SLC2A7: variants seen among roughly 807,000 people sequenced by gnomAD.
SLC2A7 encodes the protein solute carrier family 2, facilitated glucose transporter member 7.
SLC2A7 carries 50 observed loss-of-function variants against 50.5 expected under a neutral mutation model. That is an observed-to-expected ratio of 0.99 (90% confidence interval 0.79 to 1.25). SLC2A7 has a LOEUF of 1.25. SLC2A7 is among the 50% of genes most tolerant of loss of function. The probability of loss-of-function intolerance (pLI) is 0.00; values close to 1 mark genes in which losing one functional copy is unlikely to be tolerated. For synonymous variants in SLC2A7, 308 were observed against 300.4 expected (o/e 1.03, Z -0.26); for missense variants, 683 against 679.1 (o/e 1.01, Z -0.06).
the SLC2A7 span, among the ~76,000 whole-genome samples, chr1:8,992,836 A>C: frequency 6.6e-6 from 1 of 152,178 alleles, no homozygotes; most frequent in Non-Finnish European, 1.5e-5. Context: ...AGTGGGTCTC[A>C]GAAGCTCCAG....
At position 9,007,295 on chromosome 1, in the gene SLC2A7, C is replaced by T. The variant is rs570383827; in HGVS notation, c.1192+15G>A. The stretch of plus-strand genomic sequence containing the variant: ...ACCAGGATGGCCGGGGCGAGGGAGG[C>T]GTGCAGGTACTCACTGGGCCCAATG... On this transcript the variant is annotated intron_variant, in intron 10 of 11. Coordinates refer to ENST00000400906, the MANE Select transcript of SLC2A7 (RefSeq NM_207420.3). 233 of 1,614,008 alleles carry T rather than the reference C, an allele frequency of 1.4e-4. No homozygotes were observed. Among genetic ancestry groups the T allele is most frequent in the South Asian group, 8.7e-4 (79 of 91,080 alleles).
At chr1:9,015,094 G>A (rs1290805799) in intron 6 of SLC2A7, 23 bp downstream of exon 6, 2 of 1,611,830 alleles carry the variant, frequency 1.2e-6, no homozygotes, top group African/African-American at 2.7e-5. Context: ...CAGGGCCTGG[G>A]AGAGTAGCCG....
chr1:9,010,498 C>T (rs1640731613), intron 8 of SLC2A7, among the ~76,000 whole-genome samples: 1 of 152,224 alleles, frequency 6.6e-6, no homozygotes, highest in Non-Finnish European at 1.5e-5. Flanking sequence ...GCTGGGATTA[C>T]AGGCACCTGC....
intron 6 of SLC2A7, 48 bp from the exon 7 acceptor site, chr1:9,014,916 T>TGG (rs1336650752): frequency 6.5e-7 from 1 of 1,532,892 alleles, no homozygotes; most frequent in South Asian, 1.2e-5. Flanking sequence ...CCCTGCAGGC[T>TGG]GGGCCCCAAG....
chr1:9,017,092 G>A (rs1640841517), intron 5 of SLC2A7, among the ~76,000 whole-genome samples: 2 of 152,114 alleles, frequency 1.3e-5, no homozygotes, highest in South Asian at 2.1e-4. Flanking sequence ...CTGGCCATAC[G>A]GGTGGATCAC....
intron 5 of SLC2A7, among the ~76,000 whole-genome samples, chr1:9,017,321 A>AAACAACAACAACAAAACAAC (rs1553166790): frequency 9.2e-5 from 14 of 152,118 alleles, no homozygotes; most frequent in African/African-American, 2.7e-4. Flanking sequence ...CCCTGCCTCA[A>AAACAACAACAACAAAACAAC]AACAACAACA....
At chr1:9,005,017 GC>G in intron 10 of SLC2A7, 138 bp from the exon 11 acceptor site, 1 of 1,003,994 alleles carries the variant, frequency 1.0e-6, no homozygotes, top group South Asian at 1.8e-5. Context: ...AAGGAACCCT[GC>G]CTTTACCCAC....
chr1:8,994,406 C>T, the SLC2A7 span, among the ~76,000 whole-genome samples: 1 of 152,188 alleles, frequency 6.6e-6, no homozygotes, highest in Non-Finnish European at 1.5e-5. Context: ...GAGACAGTGG[C>T]CGGCAGCGTG....
At position 9,026,375 on chromosome 1, in the gene SLC2A7, C is replaced by T. The variant is rs750886871; in HGVS notation, c.-30G>A. The T allele has an allele frequency of 1.9e-6, 3 of 1,583,128 alleles. No homozygotes were observed. The highest frequency in any genetic ancestry group is 3.6e-5 in the Admixed American group (2 of 56,318). On this transcript the variant is annotated 5_prime_UTR_variant, in exon 1 of 12. Coordinates refer to ENST00000400906, the MANE Select transcript of SLC2A7 (RefSeq NM_207420.3). ...GTTCAGGTGGGAGAACAGGTGTGCT[C>T]TACCTCCCAAGTGACACCTGCTCTG...
intron 10 of SLC2A7, among the ~76,000 whole-genome samples, chr1:9,005,829 C>T (rs545638791): frequency 1.3e-5 from 2 of 152,036 alleles, no homozygotes; most frequent in South Asian, 4.2e-4. Context: ...GACCGATCTC[C>T]CTCTCTGGAT....
chr1:9,003,634 G>A, intron 11 of SLC2A7, 116 bp from the exon 12 acceptor site: 2 of 827,716 alleles, frequency 2.4e-6, no homozygotes, highest in Admixed American at 4.6e-5. Flanking sequence ...AAGACAGGTG[G>A]ATCACCTGAG....
At chr1:9,001,860 A>G (rs1425319741), downstream of SLC2A7, among the ~76,000 whole-genome samples, 1 of 152,096 alleles carries the variant, frequency 6.6e-6, no homozygotes, top group Non-Finnish European at 1.5e-5. Flanking sequence ...TACTGTGTCT[A>G]TGTAGAAAGA....
chr1:9,007,282 G>C (rs566093795), intron 10 of SLC2A7, 28 bp downstream of exon 10: 4 of 1,612,486 alleles, frequency 2.5e-6, no homozygotes, highest in South Asian at 1.1e-5. Flanking sequence ...CAGGATGGCC[G>C]GGGCGAGGGA....
chr1:9,026,096 AC>A (rs1391461490), intron 1 of SLC2A7, among the ~76,000 whole-genome samples, 198 bp downstream of exon 1: 5 of 152,120 alleles, frequency 3.3e-5, no homozygotes. Context: ...TCGCTCAGCC[AC>A]CCTGGCCCAT....
chr1:9,004,601 G>T, intron 11 of SLC2A7, 151 bp downstream of exon 11: 2 of 913,866 alleles, frequency 2.2e-6, no homozygotes, highest in African/African-American at 1.7e-5. Context: ...GGGTTTGCAG[G>T]CAGTGGGGCC....
At chr1:9,001,465 A>G (rs1640571558), downstream of SLC2A7, among the ~76,000 whole-genome samples, 1 of 141,752 alleles carries the variant, frequency 7.1e-6, no homozygotes, top group South Asian at 2.2e-4. Context: ...TCTGTCACCC[A>G]GGCTGGAATG....
chr1:9,025,273 T>G (rs1304452298), intron 1 of SLC2A7, among the ~76,000 whole-genome samples, 199 bp from the exon 2 acceptor site: 1 of 152,130 alleles, frequency 6.6e-6, no homozygotes, highest in Non-Finnish European at 1.5e-5. Context: ...CATTCCCTCC[T>G]TGAGGATGTA....
intron 7 of SLC2A7, 70 bp downstream of exon 7, chr1:9,014,611 C>T (rs1640797228): frequency 6.5e-7 from 1 of 1,531,202 alleles, no homozygotes; most frequent in South Asian, 1.2e-5. Context: ...GTGGGTGGAA[C>T]TGTGTGTTGC....
Position 9,025,079 on chromosome 1 carries a change from A to G in SLC2A7, c.52-5T>C, listed in dbSNP as rs775169402. The G allele has an allele frequency of 1.9e-5, 31 of 1,613,444 alleles. No homozygotes were observed. In the South Asian group the frequency reaches 3.4e-4, roughly 18 times the overall value. On this transcript the variant is annotated splice_polypyrimidine_tract_variant and splice_region_variant and intron_variant, in intron 1 of 11. Coordinates refer to ENST00000400906, the MANE Select transcript of SLC2A7 (RefSeq NM_207420.3). ...CAACAGCGTCGGCTGGAGCCGCTGT[A>G]GGAGACAAGTCCAAGGTCGGGACGC... is the stretch of plus-strand genomic sequence containing the variant.
Sources: allele counts gnomAD v4.1 joint callset (sites outside exome capture counted in the v4.1 genomes callset), GRCh38; gene constraint gnomAD v4.1.1; transcripts MANE v1.5; gene names NCBI Gene and HGNC (gene_info 2026-07-23, HGNC 2026-07-21).